Variants in PCSK2 observed in about 807,000 individuals in gnomAD.
PCSK2 encodes the protein neuroendocrine convertase 2.
In PCSK2, 14 loss-of-function variants were observed where a neutral mutation model predicts 69.7. That is an observed-to-expected ratio of 0.20 (90% confidence interval 0.13 to 0.31). The LOEUF is 0.31. Among genes scored for constraint, PCSK2 ranks in the 10% least tolerant of loss-of-function variants. The probability of loss-of-function intolerance (pLI) is 1.00; values close to 1 mark genes in which losing one functional copy is unlikely to be tolerated. For synonymous variants in PCSK2, 307 were observed against 320.7 expected (o/e 0.96, Z 0.46); for missense variants, 544 against 842.5 (o/e 0.65, Z 4.39).
At chr20:17,364,551 A>G (rs549466492) in intron 4 of PCSK2, among the ~76,000 whole-genome samples, 1 of 152,302 alleles carries the variant, frequency 6.6e-6, no homozygotes, top group East Asian at 1.9e-4. Context: ...GTTTCCCCTT[A>G]TAAAACCATC....
At chr20:17,420,544 C>T (rs2032100010) in intron 6 of PCSK2, among the ~76,000 whole-genome samples, 1 of 152,040 alleles carries the variant, frequency 6.6e-6, no homozygotes, top group African/African-American at 2.4e-5. Context: ...TTAAATTTTT[C>T]CTTCAGCTAA....
chr20:17,430,982 T>C (rs915832743), intron 7 of PCSK2, among the ~76,000 whole-genome samples: 1 of 152,166 alleles, frequency 6.6e-6, no homozygotes, highest in African/African-American at 2.4e-5. Context: ...CTCTTATTAT[T>C]TGCACTCTGA....
intron 1 of PCSK2, among the ~76,000 whole-genome samples, chr20:17,234,270 C>A (rs1986249960): frequency 6.6e-6 from 1 of 152,142 alleles, no homozygotes; most frequent in African/African-American, 2.4e-5. Context: ...TCTTCTCCAG[C>A]AACAAATAGA....
intron 2 of PCSK2, among the ~76,000 whole-genome samples, chr20:17,303,716 A>C (rs948560776): frequency 6.8e-6 from 1 of 146,648 alleles, no homozygotes; most frequent in Non-Finnish European, 1.5e-5. Context: ...AGCTGGGACT[A>C]CAGGCACGTG....
chr20:17,231,181 C>T (rs1703865105), intron 1 of PCSK2, among the ~76,000 whole-genome samples: 1 of 152,266 alleles, frequency 6.6e-6, no homozygotes, highest in Admixed American at 6.5e-5. Flanking sequence ...TATGTTTTAT[C>T]CACAGAGGAC....
chr20:17,454,645 A>C (rs1568657334), intron 9 of PCSK2, among the ~76,000 whole-genome samples: 1 of 152,114 alleles, frequency 6.6e-6, no homozygotes, highest in Non-Finnish European at 1.5e-5. Flanking sequence ...GCTTTTTTGG[A>C]TCTTTTCCTC....
At position 17,270,921 on chromosome 20, in the gene PCSK2, T is replaced by C. The variant is rs73897855; in HGVS notation, c.282+10577T>C. Among the ~76,000 whole-genome samples the C allele has an allele frequency of 4.7e-3, 717 of 152,210 alleles. 7 individuals carry two copies. Among genetic ancestry groups the C allele is most frequent in the African/African-American group, 0.017 (695 of 41,550 alleles). On this transcript the variant is annotated intron_variant, in intron 2 of 11. Coordinates refer to ENST00000262545, the MANE Select transcript of PCSK2 (RefSeq NM_002594.5). ...CGTTGTTTCCCCCAGTCTTCAGTTC[T>C]CTTGTCTGTACCATGAGGAGTGTGG...
chr20:17,435,209 A>C, intron 7 of PCSK2, among the ~76,000 whole-genome samples: 1 of 152,228 alleles, frequency 6.6e-6, no homozygotes, highest in East Asian at 1.9e-4. Flanking sequence ...AATCAACTAA[A>C]TAAGGTAATA....
intron 2 of PCSK2, among the ~76,000 whole-genome samples, chr20:17,325,564 T>C (rs1990021370): frequency 6.6e-6 from 1 of 152,256 alleles, no homozygotes; most frequent in Admixed American, 6.5e-5. Flanking sequence ...ATATCTCAAT[T>C]AACTATTGCT....
At chr20:17,273,836 G>A (rs1167374124) in intron 2 of PCSK2, among the ~76,000 whole-genome samples, 1 of 152,142 alleles carries the variant, frequency 6.6e-6, no homozygotes. Context: ...TTAATATAAT[G>A]CTGTTGAAAG....
chr20:17,372,038 T>G (rs2123235277), intron 5 of PCSK2, among the ~76,000 whole-genome samples: 1 of 152,318 alleles, frequency 6.6e-6, no homozygotes, highest in Admixed American at 6.5e-5. Context: ...GTTCAGTAAT[T>G]TCTCCCAAGA....
intron 7 of PCSK2, among the ~76,000 whole-genome samples, chr20:17,435,903 G>A (rs1035728071): frequency 4.6e-5 from 7 of 152,122 alleles, no homozygotes; most frequent in African/African-American, 7.2e-5. Flanking sequence ...AACGGGGACC[G>A]GAGGCCTAGG....
chr20:17,356,240 C>G (rs1476433990), intron 2 of PCSK2, among the ~76,000 whole-genome samples: 1 of 152,030 alleles, frequency 6.6e-6, no homozygotes, highest in Non-Finnish European at 1.5e-5. Context: ...TATAAAAATA[C>G]CCATCTATCC....
chr20:17,321,621 A>G (rs1307911292), intron 2 of PCSK2, among the ~76,000 whole-genome samples: 1 of 152,208 alleles, frequency 6.6e-6, no homozygotes, highest in Non-Finnish European at 1.5e-5. Flanking sequence ...AGGGAGAAAC[A>G]AATTATCCTC....
intron 1 of PCSK2, among the ~76,000 whole-genome samples, chr20:17,230,504 C>T (rs769512835): frequency 6.6e-6 from 1 of 152,200 alleles, no homozygotes; most frequent in Non-Finnish European, 1.5e-5. Flanking sequence ...TGCTTTTCTA[C>T]ATCATGCTGC....
At chr20:17,294,349 A>G (rs1051303999) in intron 2 of PCSK2, among the ~76,000 whole-genome samples, 34 of 149,358 alleles carry the variant, frequency 2.3e-4, no homozygotes, top group African/African-American at 8.4e-4. Context: ...CTCGTGATCC[A>G]CCCGCCTCGG....
chr20:17,410,560 G>A lies in PCSK2; in HGVS notation c.620+1221G>A, dbSNP rs1373504389. On this transcript the variant is annotated intron_variant, in intron 6 of 11. Transcript: ENST00000262545. ...TTTTGTAAAGATCATTGCTGATGTC[G>A]GATAGCACAATTCATTCTCTATCCA... Among the ~76,000 whole-genome samples the A allele has an allele frequency of 3.9e-5, 6 of 152,192 alleles. No individual in the cohort carries two copies. In the East Asian group the frequency reaches 5.8e-4, roughly 15 times the overall value.
At chr20:17,358,467 A>G (rs917985146) in intron 3 of PCSK2, 27 bp downstream of exon 3, 1 of 1,198,582 alleles carries the variant, frequency 8.3e-7, no homozygotes, top group Non-Finnish European at 1.2e-6. Context: ...CCTTTTGGAC[A>G]TTTCCCATCT....
chr20:17,251,520 CT>C (rs1163711149), intron 1 of PCSK2, among the ~76,000 whole-genome samples: 1 of 152,262 alleles, frequency 6.6e-6, no homozygotes, highest in African/African-American at 2.4e-5. Flanking sequence ...GCCTGTCCCC[CT>C]GTGCCAGGGA....
Sources: gnomAD v4.1 joint callset for allele counts (sites outside exome capture counted in the v4.1 genomes callset) on GRCh38, gnomAD v4.1.1 for gene constraint, MANE v1.5 for transcripts, NCBI Gene and HGNC (gene_info 2026-07-23, HGNC 2026-07-21) for gene names.